Variants in ZNF536 observed in about 807,000 individuals in gnomAD.
The protein encoded by ZNF536 is zinc finger protein 536.
ZNF536 carries 13 observed loss-of-function variants against 84.5 expected under a neutral mutation model. That is an observed-to-expected ratio of 0.15 (90% CI 0.10 to 0.24). The LOEUF (loss-of-function observed/expected upper bound fraction) is 0.24. ZNF536 is among the 10% of genes least tolerant of loss of function. The pLI is 1.00. For missense variants in ZNF536, 1,536 were observed against 1,747.5 expected (o/e 0.88, Z 2.16); for synonymous variants, 811 against 742.5 (o/e 1.09, Z -1.50).
chr19:30,226,868 A>G (rs979743449), upstream of ZNF536, among the ~76,000 whole-genome samples: 2 of 151,904 alleles, frequency 1.3e-5, no homozygotes, highest in East Asian at 3.9e-4. This position sits in a 1 kb window ranked among gnomAD's most constrained non-coding sequence, Gnocchi z 4.6. Flanking sequence ...GCGCAGATGC[A>G]TGACTGGGGT....
At chr19:30,694,471 T>C (rs35814418) in intron 1 of ZNF536, among the ~76,000 whole-genome samples, 7,233 of 152,138 alleles carry the variant, frequency 0.048, 226 homozygotes, top group East Asian at 0.13. Flanking sequence ...AAAGTGGAGA[T>C]TGGAAAGTCC....
chr19:30,347,583 TATC>T (rs2146653992), intron 2 of ZNF536, among the ~76,000 whole-genome samples: 1 of 152,298 alleles, frequency 6.6e-6, no homozygotes, highest in African/African-American at 2.4e-5. Flanking sequence ...GGATGTGACT[TATC>T]AGCAGGAGCC....
intron 1 of ZNF536, among the ~76,000 whole-genome samples, chr19:30,631,582 C>T (rs1281438689): frequency 6.6e-6 from 1 of 152,154 alleles, no homozygotes; most frequent in Non-Finnish European, 1.5e-5. Context: ...TTTATGCCTC[C>T]ACCATTACTT....
rs374938604 is a variant in ZNF536, at chr19:30,386,390, T to A, written c.-3+13834T>A. Among the ~76,000 whole-genome samples the A allele has an allele frequency of 4.6e-5, 7 of 152,306 alleles. No homozygotes were observed. In the South Asian group the frequency reaches 6.2e-4, roughly 14 times the overall value. ...CTGCCCCTCCTGTCTCTTACCTCCT[T>A]TTTTGAGATAGGGTCTCACTCTGTC... On this transcript the variant is annotated intron_variant, in intron 1 of 4. Transcript: ENST00000355537.
At chr19:30,407,447 G>A (rs550699339) in intron 1 of ZNF536, among the ~76,000 whole-genome samples, 2 of 152,246 alleles carry the variant, frequency 1.3e-5, no homozygotes, top group East Asian at 1.9e-4. Flanking sequence ...CCAGCTGGGT[G>A]TCCCCCAATT....
At chr19:30,473,897 A>G (rs2053742004) in intron 2 of ZNF536, among the ~76,000 whole-genome samples, 2 of 152,232 alleles carry the variant, frequency 1.3e-5, no homozygotes, top group African/African-American at 4.8e-5. Flanking sequence ...ACCAGGCACC[A>G]GCTTGTGTGG....
At chr19:30,530,943 G>A (rs186487433) in intron 2 of ZNF536, among the ~76,000 whole-genome samples, 1 of 152,184 alleles carries the variant, frequency 6.6e-6, no homozygotes, top group African/African-American at 2.4e-5. Context: ...GCACAGGCTG[G>A]GGCTCACGCA....
At chr19:30,485,114 A>G (rs2054250475) in intron 2 of ZNF536, among the ~76,000 whole-genome samples, 1 of 152,070 alleles carries the variant, frequency 6.6e-6, no homozygotes, top group South Asian at 2.1e-4. Flanking sequence ...ACTGCACTCC[A>G]GCCTGGGCGA....
chr19:30,303,795 C>T (rs1447529662), intron 2 of ZNF536, among the ~76,000 whole-genome samples: 1 of 152,184 alleles, frequency 6.6e-6, no homozygotes, highest in South Asian at 2.1e-4. Flanking sequence ...GCCCAGCCGA[C>T]ACTTTTTTAT....
chr19:30,310,090 T>A (rs1260483967), intron 2 of ZNF536, among the ~76,000 whole-genome samples: 1 of 152,208 alleles, frequency 6.6e-6, no homozygotes, highest in Admixed American at 6.5e-5. Context: ...CCTTGCTAGA[T>A]GGTTTTAGTA....
chr19:30,549,376 C>G lies in ZNF536; in HGVS notation c.3757C>G (p.Arg1253Gly). Reference sequence around the variant, plus strand: ...CTTGGCGGGCCTGCCAAAGCCGGAGCGGGGGCCCCAGAGCCTGGACAAGCC... The same window carrying G: ...CTTGGCGGGCCTGCCAAAGCCGGAGGGGGGGCCCCAGAGCCTGGACAAGCC... ...DPLAGLPKPE[R>G]GPQSLDKPMN... Residue 1253 changes from arginine (R) to glycine (G), a missense_variant, in exon 4 of 5, where the codon CGG (arginine) becomes GGG (glycine). Physicochemically the swap from Arg to Gly is moderately radical, Grantham distance 125 (BLOSUM62 -2). Coordinates refer to ENST00000355537, the MANE Select transcript of ZNF536 (RefSeq NM_014717.3). The G allele has an allele frequency of 6.3e-7, 1 of 1,596,920 alleles. No homozygotes were observed. The highest frequency in any genetic ancestry group is 8.5e-7 in the Non-Finnish European group (1 of 1,171,164).
chr19:30,273,878 C>T (rs2025986864), intron 1 of ZNF536, among the ~76,000 whole-genome samples: 1 of 152,084 alleles, frequency 6.6e-6, no homozygotes, highest in Admixed American at 6.6e-5. Context: ...TATACATGTA[C>T]ACATGTGTTC....
chr19:30,570,656 C>T (rs540679496), intron 1 of ZNF536, among the ~76,000 whole-genome samples: 3 of 152,090 alleles, frequency 2.0e-5, no homozygotes, highest in African/African-American at 7.2e-5. Context: ...GACAGGCTGG[C>T]GGAAAACAGT....
At chr19:30,346,136 C>A (rs1231022457) in intron 2 of ZNF536, among the ~76,000 whole-genome samples, 2 of 152,092 alleles carry the variant, frequency 1.3e-5, no homozygotes, top group African/African-American at 4.8e-5. Flanking sequence ...TTCCAAGGGA[C>A]CCCAAGGGTT....
At chr19:30,339,670 T>C (rs2047501668) in intron 2 of ZNF536, among the ~76,000 whole-genome samples, 1 of 152,060 alleles carries the variant, frequency 6.6e-6, no homozygotes, top group African/African-American at 2.4e-5. Context: ...CTCTGGGGGC[T>C]GGAGGTTGGT....
intron 1 of ZNF536, among the ~76,000 whole-genome samples, chr19:30,251,475 T>C (rs1211838527): frequency 6.6e-6 from 1 of 152,168 alleles, no homozygotes; most frequent in African/African-American, 2.4e-5. Context: ...CTGCTGATGG[T>C]TCCCAGGGCC....
At position 30,508,804 on chromosome 19, in the gene ZNF536, T is replaced by TTTTC. The variant is rs1261660592; in HGVS notation, c.2171-26027_2171-26024dup. Among the ~76,000 whole-genome samples the TTTTC allele has an allele frequency of 4.3e-3, 634 of 146,506 alleles. 14 individuals are homozygous for TTTTC. Among genetic ancestry groups the TTTTC allele is most frequent in the African/African-American group, 0.016 (582 of 37,374 alleles). On this transcript the variant is annotated intron_variant, in intron 2 of 4. Transcript: ENST00000355537. ...GTGTGGGCACCGTGGTTCTTTTCTC[T>TTTTC]TTTCTTTCTTTCTTTCTTTTTTTTT...
chr19:30,661,473 A>G (rs1273464281), intron 1 of ZNF536, among the ~76,000 whole-genome samples: 1 of 152,242 alleles, frequency 6.6e-6, no homozygotes, highest in Non-Finnish European at 1.5e-5. Context: ...ACACTGTGTT[A>G]TTAATATAAA....
At chr19:30,651,782 G>T (rs1023566490) in intron 1 of ZNF536, among the ~76,000 whole-genome samples, 8 of 151,496 alleles carry the variant, frequency 5.3e-5, no homozygotes, top group African/African-American at 2.0e-4. Context: ...CAAGAATTTG[G>T]CAGTGACCTT....
Sources: allele counts gnomAD v4.1 joint callset (sites outside exome capture counted in the v4.1 genomes callset), GRCh38; gene constraint gnomAD v4.1.1; non-coding constraint Gnocchi (gnomAD v3.1); transcripts MANE v1.5; gene names NCBI Gene and HGNC (gene_info 2026-07-23, HGNC 2026-07-21).